The following C19orf38 variants were observed in gnomAD, a reference collection of about 807,000 sequenced individuals.
The protein encoded by C19orf38 is chromosome 19 open reading frame 38, also known as protein HIDE1.
A neutral mutation model predicts 26.6 loss-of-function variants in C19orf38; 14 were observed. The observed-to-expected ratio is 0.53, with a 90% CI of 0.35 to 0.82. C19orf38 has a LOEUF of 0.82. C19orf38 is among the 40% of genes least tolerant of loss of function. The probability of loss-of-function intolerance (pLI) is 0.01; values close to 1 mark genes in which losing one functional copy is unlikely to be tolerated. For missense variants in C19orf38, 261 were observed against 299.5 expected (o/e 0.87, Z 0.95); for synonymous variants, 132 against 128.5 (o/e 1.03, Z -0.18).
chr19:10,855,772 C>A (rs2073618839), intron 2 of C19orf38, among the ~76,000 whole-genome samples: 1 of 152,166 alleles, frequency 6.6e-6, no homozygotes, highest in Non-Finnish European at 1.5e-5. Context: ...TAGTGATCCA[C>A]CTGCCTTGGC....
chr19:10,856,648 C>T (rs565054473), intron 3 of C19orf38, among the ~76,000 whole-genome samples: 1 of 150,590 alleles, frequency 6.6e-6, no homozygotes, highest in South Asian at 2.1e-4. Flanking sequence ...GGATTACAGG[C>T]GTGCACCACC....
intron 6 of C19orf38, among the ~76,000 whole-genome samples, chr19:10,865,398 T>C (rs1017841730): frequency 6.6e-6 from 1 of 152,278 alleles, no homozygotes; most frequent in East Asian, 1.9e-4. Flanking sequence ...CCGCCCGCCT[T>C]GGCCTCCCAA....
chr19:10,845,970 G>A (rs939960999), upstream of C19orf38, among the ~76,000 whole-genome samples: 2 of 151,336 alleles, frequency 1.3e-5, no homozygotes, highest in Non-Finnish European at 2.9e-5. Context: ...CTTGAGCCCA[G>A]GAGTTCAAGA....
chr19:10,863,255 C>A (rs753374323), intron 6 of C19orf38, 48 bp downstream of exon 6: 2 of 1,534,754 alleles, frequency 1.3e-6, no homozygotes, highest in South Asian at 1.2e-5. Context: ...ACCGTCCTAC[C>A]GGGAGAACGG....
intron 1 of C19orf38, among the ~76,000 whole-genome samples, chr19:10,837,955 A>G (rs1186242166): frequency 6.6e-6 from 1 of 151,730 alleles, no homozygotes; most frequent in Admixed American, 6.6e-5. Context: ...GTACACCTCC[A>G]TGCCTAACTA....
intron 4 of C19orf38, 97 bp downstream of exon 4, chr19:10,858,440 T>C: frequency 8.4e-7 from 1 of 1,193,546 alleles, no homozygotes; most frequent in Non-Finnish European, 1.2e-6. Flanking sequence ...AAACAGCGCC[T>C]CCTGGTGGGC....
chr19:10,850,242 T>TA lies in C19orf38; in HGVS notation c.32-16dup. The stretch of plus-strand genomic sequence containing the variant: ...ACTCTCACCACGCACCCACCCACCT[T>TA]ACCCTCTGCATTGCAGGCTCCTTGG... On this transcript the variant is annotated splice_polypyrimidine_tract_variant and intron_variant, in intron 1 of 6. Transcript: ENST00000397820. 4.5e-6 allele frequency: 7 copies of TA among 1,546,126 alleles called. No homozygotes were observed. The highest frequency in any genetic ancestry group is 5.2e-6 in the Non-Finnish European group (6 of 1,145,170).
chr19:10,861,241 G>A (rs953727153), intron 5 of C19orf38, among the ~76,000 whole-genome samples: 5 of 152,238 alleles, frequency 3.3e-5, no homozygotes, highest in Admixed American at 6.5e-5. Context: ...GCTCCATGGG[G>A]AAAGGACCAT....
intron 2 of C19orf38, among the ~76,000 whole-genome samples, chr19:10,854,999 A>G (rs1005330125): frequency 6.7e-6 from 1 of 150,238 alleles, no homozygotes; most frequent in African/African-American, 2.5e-5. Flanking sequence ...CATGGAGGCA[A>G]GATTGTGCCC....
chr19:10,850,493 A>G lies in C19orf38; in HGVS notation c.266A>G (p.Gln89Arg). 6.4e-7 allele frequency: 1 copy of G among 1,551,672 alleles called. No homozygotes were observed. The highest frequency in any genetic ancestry group is 1.2e-5 in the South Asian group (1 of 84,058). The part of the protein sequence containing the change: ...SKAPGGPFHC[Q>R]YGVLGELNQS... The stretch of plus-strand genomic sequence containing the variant: ...GCTCCAGGGGGACCCTTCCACTGCC[A>G]GTATGGAGTGTTAGGTGAGCTCAAC... Residue 89 changes from glutamine (Q) to arginine (R), a missense_variant, in exon 2 of 7, where the codon CAG becomes CGG. Gln to Arg is a conservative substitution (Grantham distance 43). Transcript: ENST00000397820.
At chr19:10,844,413 A>AG (rs1555719546), upstream of C19orf38, among the ~76,000 whole-genome samples, 18 of 148,728 alleles carry the variant, frequency 1.2e-4, no homozygotes, top group Admixed American at 2.0e-4. Flanking sequence ...AAAAAAAAAA[A>AG]AAAAAAAATT....
At chr19:10,846,174 C>A (rs2073515052), upstream of C19orf38, among the ~76,000 whole-genome samples, 1 of 151,460 alleles carries the variant, frequency 6.6e-6, no homozygotes, top group Non-Finnish European at 1.5e-5. Flanking sequence ...AGAGCAAGAC[C>A]CTGTCTCAAA....
At chr19:10,849,158 G>T (rs2073544401) in intron 1 of C19orf38, among the ~76,000 whole-genome samples, 1 of 149,204 alleles carries the variant, frequency 6.7e-6, no homozygotes, top group Non-Finnish European at 1.5e-5. Flanking sequence ...CTGCCATGAT[G>T]GCCTCCTTGC....
intron 4 of C19orf38, among the ~76,000 whole-genome samples, chr19:10,859,242 ATATGTGTGTGTG>A (rs1568337339): frequency 1.2e-4 from 12 of 99,294 alleles, no homozygotes; most frequent in African/African-American, 5.3e-4. Flanking sequence ...TGGCTTTTAT[ATATGTGTGTGTG>A]TGTGTGTGTG....
chr19:10,839,822 G>A (rs760149012), intron 1 of C19orf38, among the ~76,000 whole-genome samples: 5 of 148,848 alleles, frequency 3.4e-5, no homozygotes, highest in Admixed American at 1.4e-4. Context: ...TCCACTTCCC[G>A]AACTCATGTG....
intron 5 of C19orf38, among the ~76,000 whole-genome samples, chr19:10,861,180 G>T (rs1249172034): frequency 1.3e-5 from 2 of 152,068 alleles, no homozygotes; most frequent in African/African-American, 4.8e-5. Flanking sequence ...ACAATTAAGT[G>T]ATCATTGGGT....
At chr19:10,851,836 C>T (rs1212352798) in intron 2 of C19orf38, among the ~76,000 whole-genome samples, 1 of 151,802 alleles carries the variant, frequency 6.6e-6, no homozygotes, top group African/African-American at 2.4e-5. Flanking sequence ...GGCGCGGTGG[C>T]GGGCACCTGT....
At chr19:10,838,871 G>A (rs144655513) in intron 1 of C19orf38, among the ~76,000 whole-genome samples, 17 of 151,806 alleles carry the variant, frequency 1.1e-4, no homozygotes, top group African/African-American at 4.1e-4. Context: ...TGCAGCCGGG[G>A]TCTCTACCTG....
intron 1 of C19orf38, among the ~76,000 whole-genome samples, chr19:10,839,652 T>C (rs1314740770): frequency 6.6e-6 from 1 of 152,190 alleles, no homozygotes; most frequent in East Asian, 1.9e-4. Context: ...GGTTAGACCA[T>C]GTATCAATAT....
Sources: gnomAD v4.1 joint callset for allele counts (sites outside exome capture counted in the v4.1 genomes callset) on GRCh38, gnomAD v4.1.1 for gene constraint, MANE v1.5 for transcripts, NCBI Gene and HGNC (gene_info 2026-07-23, HGNC 2026-07-21) for gene names.